RANBP2: variants seen among roughly 807,000 people sequenced by gnomAD.
RANBP2 encodes the protein E3 SUMO-protein ligase RanBP2.
RANBP2 carries 57 observed loss-of-function variants against 303.6 expected under a neutral mutation model. The ratio of observed to expected loss-of-function variants is 0.19; its 90% CI spans 0.15 to 0.23. RANBP2 has a LOEUF of 0.23. Ranked by LOEUF, RANBP2 falls within the 10% of genes least tolerant of loss-of-function variation. The pLI is 1.00. For missense variants in RANBP2, 3,138 were observed against 3,780.8 expected, an observed-to-expected ratio of 0.83 and a Z score of 4.46; for synonymous variants, 1,167 against 1,301.5, an observed-to-expected ratio of 0.90 and a Z score of 2.23.
the RANBP2 span, among the ~76,000 whole-genome samples, chr2:109,178,485 G>A: frequency 9.3e-4 from 141 of 152,284 alleles, no homozygotes; most frequent in African/African-American, 3.3e-3. Flanking sequence ...TACTTGGATA[G>A]TTTATATTCT....
At chr2:108,890,266 G>T in the RANBP2 span, among the ~76,000 whole-genome samples, 3 of 140,472 alleles carry the variant, frequency 2.1e-5, no homozygotes, top group African/African-American at 8.5e-5. Context: ...TTGTAATGGG[G>T]TCTCACTCTG....
At chr2:109,332,989 C>T in the RANBP2 span, among the ~76,000 whole-genome samples, 1 of 152,228 alleles carries the variant, frequency 6.6e-6, no homozygotes, top group Non-Finnish European at 1.5e-5. Context: ...CAGAAGACAG[C>T]CTAGCCTGCT....
the RANBP2 span, among the ~76,000 whole-genome samples, chr2:108,993,391 G>A: frequency 1.3e-5 from 2 of 152,200 alleles, no homozygotes; most frequent in South Asian, 2.1e-4. Context: ...CACATTCCAC[G>A]TGGGGGCTGG....
At chr2:109,091,555 C>T in the RANBP2 span, among the ~76,000 whole-genome samples, 1 of 152,204 alleles carries the variant, frequency 6.6e-6, no homozygotes, top group African/African-American at 2.4e-5. Context: ...TTGATAAAAT[C>T]GGCTCTGTCT....
chr2:109,677,572 C>T, the RANBP2 span, among the ~76,000 whole-genome samples: 5,112 of 152,186 alleles, frequency 0.034, 263 homozygotes, highest in African/African-American at 0.12. Flanking sequence ...AAAAGCAAAG[C>T]ACTTAAAAAT....
At chr2:108,966,851 C>G in the RANBP2 span, among the ~76,000 whole-genome samples, 1 of 152,318 alleles carries the variant, frequency 6.6e-6, no homozygotes, top group East Asian at 1.9e-4. Context: ...GGACAAACAA[C>G]TCCACTAACA....
chr2:109,195,567 A>G, the RANBP2 span, among the ~76,000 whole-genome samples: 1 of 152,214 alleles, frequency 6.6e-6, no homozygotes, highest in East Asian at 1.9e-4. Context: ...TAACCCTCGC[A>G]TGCTTGATGG....
the RANBP2 span, chr2:109,564,518 G>C: frequency 2.0e-6 from 3 of 1,520,424 alleles, no homozygotes; most frequent in Non-Finnish European, 2.7e-6. Flanking sequence ...CAAAGTCACA[G>C]TGGTTTTCAT....
chr2:109,093,406 T>TAAAAAAAAAAAAAAAA, the RANBP2 span, among the ~76,000 whole-genome samples: 17 of 90,600 alleles, frequency 1.9e-4, no homozygotes, highest in East Asian at 3.1e-4. Context: ...CGGAGATTTG[T>TAAAAAAAAAAAAAAAA]AAAAAAAAAA....
the RANBP2 span, among the ~76,000 whole-genome samples, chr2:109,121,994 T>G: frequency 5.9e-5 from 9 of 152,144 alleles, no homozygotes; most frequent in Non-Finnish European, 1.2e-4. Context: ...GCACTGTGCT[T>G]GCTAGTGGGA....
At chr2:108,887,542 A>T in the RANBP2 span, among the ~76,000 whole-genome samples, 1 of 152,062 alleles carries the variant, frequency 6.6e-6, no homozygotes, top group East Asian at 1.9e-4. Context: ...TGTCCTCTTC[A>T]ATTTCTTTCA....
the RANBP2 span, among the ~76,000 whole-genome samples, chr2:108,902,284 G>C: frequency 3.9e-5 from 6 of 152,154 alleles, no homozygotes; most frequent in Middle Eastern, 3.4e-3. Flanking sequence ...GCTGAGGCAA[G>C]AGAATCACTT....
At chr2:108,719,904 C>A (rs564509910) in intron 1 of RANBP2, among the ~76,000 whole-genome samples, 5 of 151,508 alleles carry the variant, frequency 3.3e-5, no homozygotes, top group Admixed American at 1.3e-4. Flanking sequence ...CCTCTTTCTC[C>A]CGGCTTGTTC....
the RANBP2 span, among the ~76,000 whole-genome samples, chr2:109,497,000 A>G: frequency 6.6e-6 from 1 of 152,198 alleles, no homozygotes; most frequent in African/African-American, 2.4e-5. Flanking sequence ...GCTTCTAGCA[A>G]CTGGAAAGGC....
At chr2:109,035,819 C>CA in the RANBP2 span, among the ~76,000 whole-genome samples, 3 of 151,546 alleles carry the variant, frequency 2.0e-5, no homozygotes, top group Non-Finnish European at 2.9e-5. Context: ...TGGGTAAACA[C>CA]AAAAAAAATA....
At chr2:108,735,144 G>T (rs1695470555) in intron 4 of RANBP2, among the ~76,000 whole-genome samples, 3 of 152,180 alleles carry the variant, frequency 2.0e-5, no homozygotes, top group Admixed American at 2.0e-4. Context: ...AACAGTGGGA[G>T]GAGAGGGGAT....
chr2:109,347,995 G>A, the RANBP2 span: 32 of 1,551,974 alleles, frequency 2.1e-5, no homozygotes, highest in African/African-American at 4.0e-4. Flanking sequence ...TGCAGCCTCT[G>A]TGCCACCCAG....
the RANBP2 span, among the ~76,000 whole-genome samples, chr2:109,250,681 T>C: frequency 1.3e-5 from 2 of 151,942 alleles, no homozygotes; most frequent in Admixed American, 6.6e-5. Flanking sequence ...GGAAAACATA[T>C]TTATATCAAA....
the RANBP2 span, among the ~76,000 whole-genome samples, chr2:108,897,877 G>A: frequency 6.6e-6 from 1 of 152,164 alleles, no homozygotes; most frequent in Admixed American, 6.5e-5. Context: ...AATACAAGAA[G>A]TCTGAAAAGT....
Sources: allele counts gnomAD v4.1 joint callset (sites outside exome capture counted in the v4.1 genomes callset), GRCh38; gene constraint gnomAD v4.1.1; transcripts MANE v1.5; gene names NCBI Gene and HGNC (gene_info 2026-07-23, HGNC 2026-07-21).